The following SNX12 variants were observed in gnomAD, a reference collection of about 807,000 sequenced individuals.
SNX12 encodes sorting nexin-12.
For missense variants in SNX12, 62 were observed against 141.3 expected, an observed-to-expected ratio of 0.44 and a Z score of 2.84; for synonymous variants, 47 against 56.0, an observed-to-expected ratio of 0.84 and a Z score of 0.71.
intron 2 of SNX12, 131 bp downstream of exon 2, chrX:71,062,723 T>G: frequency 2.1e-5 from 10 of 467,644 alleles, no homozygotes; most frequent in East Asian, 3.9e-5. Flanking sequence ...TCTAAAATAC[T>G]GAGATTTGAT....
intron 1 of SNX12, among the ~76,000 whole-genome samples, chrX:71,065,837 G>A (rs2147702049): frequency 9.3e-6 from 1 of 107,677 alleles, no homozygotes; most frequent in South Asian, 4.1e-4. Context: ...CAGGTGTGGT[G>A]GCACCATGCC....
At position 71,060,843 on chromosome X, in the gene SNX12, G is replaced by T. The variant is rs2092128627; in HGVS notation, c.*173C>A. On this transcript the variant is annotated 3_prime_UTR_variant, in exon 4 of 4. Transcript: ENST00000374274. Reference sequence around the variant, plus strand: ...GTTCCCACCTCTCCTCAGAGAAGAGGATCCTAGCAGAGTGCCCACATGGTG... The same window carrying T: ...GTTCCCACCTCTCCTCAGAGAAGAGTATCCTAGCAGAGTGCCCACATGGTG... 2 of 227,912 alleles carry T rather than the reference G, an allele frequency of 8.8e-6. No homozygotes were observed. Among genetic ancestry groups the T allele is most frequent in the Non-Finnish European group, 1.6e-5 (2 of 123,252 alleles). The allele number at this position is 227,912 out of a possible 1,213,427, so 18.8% of individuals were successfully genotyped here. A position where few individuals can be genotyped will look rare whatever the true frequency, so the allele number is the denominator to read the frequency against.
intron 1 of SNX12, 55 bp downstream of exon 1, chrX:71,068,087 T>G: frequency 6.8e-5 from 21 of 310,017 alleles, no homozygotes; most frequent in Non-Finnish European, 7.9e-5. Context: ...CCCTCCCCCC[T>G]CCCGCTCGCG....
At chrX:71,061,997 T>G in intron 2 of SNX12, 30 bp from the exon 3 acceptor site, 1 of 1,177,031 alleles carries the variant, frequency 8.5e-7, no homozygotes, top group Middle Eastern at 2.7e-4. Flanking sequence ...TCCAGCCACA[T>G]GGGAGAGAGA....
At chrX:71,067,609 A>T (rs1383094059) in intron 1 of SNX12, among the ~76,000 whole-genome samples, 1 of 112,021 alleles carries the variant, frequency 8.9e-6, no homozygotes, top group East Asian at 2.8e-4. Context: ...TGCTCCCACA[A>T]GCCTACTGTC....
chrX:71,062,792 T>C, intron 2 of SNX12, 62 bp downstream of exon 2: 2 of 714,077 alleles, frequency 2.8e-6, no homozygotes, highest in Non-Finnish European at 4.4e-6. Flanking sequence ...TGTGGTTGTA[T>C]GCCCACTCAG....
At chrX:71,068,667 TATCA>T (rs980070221), upstream of SNX12, among the ~76,000 whole-genome samples, 5 of 113,098 alleles carry the variant, frequency 4.4e-5, no homozygotes, top group Non-Finnish European at 7.5e-5. Context: ...TCGTACCGTG[TATCA>T]ATCAACAGTG....
chrX:71,069,316 A>G (rs1451701710), upstream of SNX12, among the ~76,000 whole-genome samples: 1 of 111,725 alleles, frequency 9.0e-6, no homozygotes, highest in Non-Finnish European at 1.9e-5. Flanking sequence ...GAGGCCCTAC[A>G]ATTTCACAAT....
At chrX:71,072,438 A>T (rs2092176365), upstream of SNX12, among the ~76,000 whole-genome samples, 1 of 111,579 alleles carries the variant, frequency 9.0e-6, no homozygotes, top group African/African-American at 3.3e-5. Context: ...AAGCCCTGAG[A>T]AATGTCCACT....
intron 1 of SNX12, among the ~76,000 whole-genome samples, chrX:71,066,490 T>C (rs990292639): frequency 9.4e-6 from 1 of 106,801 alleles, no homozygotes; most frequent in African/African-American, 3.5e-5. Flanking sequence ...CTCGGGAGGA[T>C]GAGGCAGGAG....
Position 71,068,134 on chromosome X carries a change from T to A in SNX12, c.165+8A>T, listed in dbSNP as rs1224371175. The A allele has an allele frequency of 8.6e-7, 1 of 1,165,020 alleles. No homozygotes were observed. The highest frequency in any genetic ancestry group is 1.9e-5 in the African/African-American group (1 of 53,420). ...TCCCTCAGCTGTCTCCCTCACCCCG[T>A]GACTCACCCGCATGCGAACCTCATA... On this transcript the variant is annotated splice_region_variant and intron_variant, in intron 1 of 3. Coordinates refer to ENST00000374274, the MANE Select transcript of SNX12 (RefSeq NM_013346.4).
At chrX:71,067,169 C>G (rs2092156783) in intron 1 of SNX12, among the ~76,000 whole-genome samples, 1 of 112,327 alleles carries the variant, frequency 8.9e-6, no homozygotes, top group African/African-American at 3.2e-5. Flanking sequence ...ACCAAGTACT[C>G]TATCTGCACA....
At chrX:71,063,234 C>T (rs761403766) in intron 1 of SNX12, among the ~76,000 whole-genome samples, 1 of 111,713 alleles carries the variant, frequency 9.0e-6, no homozygotes, top group African/African-American at 3.3e-5. Flanking sequence ...TGGTGGCTCA[C>T]GCCTGTAATC....
At chrX:71,062,800 C>G (rs1286253943) in intron 2 of SNX12, 54 bp downstream of exon 2, 10 of 808,962 alleles carry the variant, frequency 1.2e-5, no homozygotes, top group Non-Finnish European at 1.9e-5. Context: ...TATGCCCACT[C>G]AGCCTATGCA....
Position 71,068,175 on chromosome X carries a change from G to A in SNX12, c.132C>T (p.Arg44=). 1 of 1,207,915 alleles carries A rather than the reference G, an allele frequency of 8.3e-7. No individual in the cohort carries two copies. Among genetic ancestry groups the A allele is most frequent in the African/African-American group, 1.8e-5 (1 of 57,114 alleles). Residue 44 remains arginine, a synonymous_variant, in exon 1 of 4, where the codon CGC becomes CGT. Transcript: ENST00000374274. ...IFNPQTVGVG[R]ARFTTYEVRM... ...GAACCTCATAGGTGGTGAAGCGCGCGCGTCCCACGCCCACCGTCTGAGGAT... is the reference window on the plus strand; with the variant it reads ...GAACCTCATAGGTGGTGAAGCGCGCACGTCCCACGCCCACCGTCTGAGGAT...
chrX:71,070,031 T>C (rs1266277774), upstream of SNX12, among the ~76,000 whole-genome samples: 1 of 110,922 alleles, frequency 9.0e-6, no homozygotes, highest in Non-Finnish European at 1.9e-5. Flanking sequence ...TAAGAAACAG[T>C]GGAGCATTTT....
upstream of SNX12, chrX:71,068,550 T>C: frequency 3.9e-6 from 1 of 258,714 alleles, no homozygotes; most frequent in Non-Finnish European, 6.8e-6. Context: ...CCGGGTGATG[T>C]TTGTGGCCAC....
intron 1 of SNX12, 124 bp downstream of exon 1, chrX:71,068,018 T>C: frequency 1.7e-6 from 1 of 605,998 alleles, no homozygotes; most frequent in Non-Finnish European, 2.4e-6. Context: ...ATTATACCCC[T>C]AACCCCCAAA....
chrX:71,068,283 A>G lies in SNX12; in HGVS notation c.24T>C (p.Asp8=), dbSNP rs2092162249. 1.7e-6 allele frequency: 2 copies of G among 1,204,797 alleles called. No homozygotes were observed. The highest frequency in any genetic ancestry group is 4.4e-5 in the Admixed American group (2 of 45,330). The part of the protein sequence containing the change: MSDTAVA[D]TRRLNSKPQD... ...GCGGCTTCGAGTTAAGGCGCCGGGT[A>G]TCAGCTACTGCCGTGTCCGACATCT... Residue 8 remains aspartate, a synonymous_variant, in exon 1 of 4, where the codon GAT becomes GAC. Transcript: ENST00000374274.
Sources: allele counts gnomAD v4.1 joint callset (sites outside exome capture counted in the v4.1 genomes callset), GRCh38; gene constraint gnomAD v4.1.1; transcripts MANE v1.5; gene names NCBI Gene and HGNC (gene_info 2026-07-23, HGNC 2026-07-21).